Variants in ELL2 observed in about 807,000 individuals in gnomAD.
ELL2 encodes RNA polymerase II elongation factor ELL2.
Under a neutral mutation model 72.8 loss-of-function variants are expected in ELL2, and 21 were observed. That is an observed-to-expected ratio of 0.29 (90% CI 0.20 to 0.42). ELL2 has a LOEUF of 0.42. Ranked by LOEUF, ELL2 falls within the 10% of genes least tolerant of loss-of-function variation. The pLI, the probability that ELL2 is intolerant of heterozygous loss-of-function variation, is 1.00. For missense variants in ELL2, 568 were observed against 772.8 expected, an observed-to-expected ratio of 0.73 and a Z score of 3.14; for synonymous variants, 266 against 283.2, an observed-to-expected ratio of 0.94 and a Z score of 0.61.
chr5:95,894,831 G>A (rs1352393730), intron 9 of ELL2, among the ~76,000 whole-genome samples: 2 of 152,188 alleles, frequency 1.3e-5, no homozygotes, highest in Non-Finnish European at 2.9e-5. Flanking sequence ...ACCATGAGAT[G>A]CTACTAATAG....
In ELL2 at chr5:95,961,566, C is replaced by T. The variant is rs376751603; in HGVS notation, c.147+9G>A. 28 of 1,577,198 alleles carry T rather than the reference C, an allele frequency of 1.8e-5. 1 individual carries two copies. Among genetic ancestry groups the T allele is most frequent in the South Asian group, 2.3e-5 (2 of 87,194 alleles). On this transcript the variant is annotated intron_variant, in intron 1 of 11. Coordinates refer to ENST00000237853, the MANE Select transcript of ELL2 (RefSeq NM_012081.6). ...TCTCTGAGCCCAGCCTGCCGGCCGG[C>T]CCGCTCACCTTGTGGCTCTGGTAAG...
intron 2 of ELL2, among the ~76,000 whole-genome samples, chr5:95,919,958 C>T (rs1402213680): frequency 6.6e-6 from 1 of 152,108 alleles, no homozygotes; most frequent in African/African-American, 2.4e-5. Flanking sequence ...TATATTGAAG[C>T]AATCTCTGAG....
intron 1 of ELL2, among the ~76,000 whole-genome samples, chr5:95,949,700 CAAA>C (rs56376316): frequency 1.1e-3 from 146 of 132,248 alleles, no homozygotes; most frequent in African/African-American, 2.8e-3. Flanking sequence ...AAAGATACTG[CAAA>C]AAAAAAAAAA....
At chr5:95,918,877 C>CTT (rs10644804) in intron 3 of ELL2, among the ~76,000 whole-genome samples, 51,763 of 142,418 alleles carry the variant, frequency 0.36, 10,350 homozygotes, top group African/African-American at 0.55. Context: ...CTTCCTCCTC[C>CTT]TTTTTTTTTT....
At chr5:95,955,838 T>C (rs1751609343) in intron 1 of ELL2, among the ~76,000 whole-genome samples, 1 of 151,918 alleles carries the variant, frequency 6.6e-6, no homozygotes, top group African/African-American at 2.4e-5. Context: ...AAAATACATT[T>C]GGCCCAATCT....
At chr5:95,934,323 G>A (rs1750700531) in intron 2 of ELL2, among the ~76,000 whole-genome samples, 1 of 152,026 alleles carries the variant, frequency 6.6e-6, no homozygotes, top group Non-Finnish European at 1.5e-5. Flanking sequence ...ACCCTCTACT[G>A]ATGTGGGCCC....
chr5:95,910,425 G>A (rs897548335), intron 4 of ELL2, among the ~76,000 whole-genome samples: 1 of 152,000 alleles, frequency 6.6e-6, no homozygotes, highest in Admixed American at 6.6e-5. Flanking sequence ...TAAAATATCG[G>A]TGAATTAGAA....
At chr5:95,929,250 T>C (rs1750506846) in intron 2 of ELL2, among the ~76,000 whole-genome samples, 1 of 149,024 alleles carries the variant, frequency 6.7e-6, no homozygotes. Flanking sequence ...GCAAGGACCA[T>C]GGTCTTCCTC....
intron 2 of ELL2, among the ~76,000 whole-genome samples, chr5:95,927,539 A>G (rs1362399261): frequency 9.1e-5 from 3 of 33,070 alleles, no homozygotes; most frequent in Admixed American, 2.1e-4. Flanking sequence ...ACACGTGTGT[A>G]TATAGACATA....
At chr5:95,914,678 A>T (rs1407239812) in intron 3 of ELL2, among the ~76,000 whole-genome samples, 1 of 151,978 alleles carries the variant, frequency 6.6e-6, no homozygotes, top group Non-Finnish European at 1.5e-5. Flanking sequence ...ACATGGAGAA[A>T]CCCCATCTCT....
At chr5:95,950,898 G>GTACATATA (rs1751349138) in intron 1 of ELL2, among the ~76,000 whole-genome samples, 1 of 29,282 alleles carries the variant, frequency 3.4e-5, no homozygotes, top group Non-Finnish European at 5.7e-5. Flanking sequence ...ATGTATGTAT[G>GTACATATA]TATGTGTATA....
chr5:95,932,153 TGTTA>T (rs1194111455), intron 2 of ELL2, among the ~76,000 whole-genome samples: 2 of 152,086 alleles, frequency 1.3e-5, no homozygotes, highest in Non-Finnish European at 1.5e-5. Context: ...CAAATTTGTT[TGTTA>T]ATTTTCTTCA....
intron 2 of ELL2, among the ~76,000 whole-genome samples, chr5:95,931,713 T>C (rs1750604102): frequency 7.0e-6 from 1 of 143,680 alleles, no homozygotes; most frequent in Non-Finnish European, 1.5e-5. Context: ...CTAAAACAGG[T>C]GTCCATGGAA....
intron 1 of ELL2, among the ~76,000 whole-genome samples, chr5:95,954,300 C>A (rs754247602): frequency 8.5e-5 from 13 of 152,148 alleles, no homozygotes; most frequent in Non-Finnish European, 1.6e-4. Context: ...ACTCTCCCAA[C>A]TGCTTCCAAT....
At chr5:95,912,269 G>A (rs1383612857) in intron 4 of ELL2, among the ~76,000 whole-genome samples, 1 of 152,064 alleles carries the variant, frequency 6.6e-6, no homozygotes, top group Non-Finnish European at 1.5e-5. Context: ...AGTCATCATC[G>A]CTGATTTTCA....
At chr5:95,901,620 G>A (rs530426795) in intron 5 of ELL2, among the ~76,000 whole-genome samples, 95 of 152,244 alleles carry the variant, frequency 6.2e-4, no homozygotes, top group South Asian at 1.7e-3. Context: ...CTACTCTTGC[G>A]CTTTGGGGCC....
At position 95,961,674 on chromosome 5, in the gene ELL2, C is replaced by T; in HGVS notation, c.48G>A (p.Gly16=). The part of the protein sequence containing the change: ...TGGLREEQRY[G]LSCGRLGQDN... ...CCTGCCCCAGCCGTCCGCACGACAG[C>T]CCATAGCGCTGCTCCTCCCGCAGGC... Residue 16 remains glycine (G), a synonymous_variant, in exon 1 of 12, where the codon GGG becomes GGA. Coordinates refer to ENST00000237853, the MANE Select transcript of ELL2 (RefSeq NM_012081.6). 2 of 1,608,000 alleles carry T rather than the reference C, an allele frequency of 1.2e-6. No individual in the cohort carries two copies. Among genetic ancestry groups the T allele is most frequent in the African/African-American group, 2.7e-5 (2 of 74,024 alleles).
At chr5:95,913,464 G>GAA in intron 4 of ELL2, 2 of 195,022 alleles carry the variant, frequency 1.0e-5, no homozygotes, top group East Asian at 2.5e-4. Flanking sequence ...TAGTGACAAA[G>GAA]AAAACACAAC....
intron 2 of ELL2, among the ~76,000 whole-genome samples, chr5:95,929,799 A>G (rs756219584): frequency 2.3e-4 from 35 of 151,292 alleles, no homozygotes; most frequent in Non-Finnish European, 4.0e-4. Context: ...AAAAAACAAC[A>G]AAAAACAAAA....
Sources: allele counts gnomAD v4.1 joint callset (sites outside exome capture counted in the v4.1 genomes callset), GRCh38; gene constraint gnomAD v4.1.1; transcripts MANE v1.5; gene names NCBI Gene and HGNC (gene_info 2026-07-23, HGNC 2026-07-21).